The following PFKFB3 variants were observed in gnomAD, a reference collection of about 807,000 sequenced individuals.
PFKFB3 encodes the protein 6-phosphofructo-2-kinase/fructose-2,6-biphosphatase 3.
A neutral mutation model predicts 68.0 loss-of-function variants in PFKFB3; 33 were observed. The ratio of observed to expected loss-of-function variants is 0.49; its 90% CI spans 0.37 to 0.65. The LOEUF is 0.65. PFKFB3 is among the 30% of genes least tolerant of loss of function. The pLI is 0.00. For synonymous variants in PFKFB3, 315 were observed against 288.2 expected, an observed-to-expected ratio of 1.09 and a Z score of -0.94; for missense variants, 586 against 712.2, an observed-to-expected ratio of 0.82 and a Z score of 2.02.
the PFKFB3 span, among the ~76,000 whole-genome samples, chr10:6,304,467 G>A: frequency 6.0e-5 from 9 of 149,518 alleles, no homozygotes; most frequent in East Asian, 1.6e-3. Flanking sequence ...TACTACTACC[G>A]TTAGACATTA....
intron 1 of PFKFB3, chr10:6,163,783 C>T (rs1303838830): frequency 1.3e-5 from 2 of 151,778 alleles, no homozygotes; most frequent in East Asian, 3.9e-4. Context: ...CCCGCCCTTC[C>T]CGGGCCGTGC....
intron 1 of PFKFB3, among the ~76,000 whole-genome samples, chr10:6,180,729 G>T (rs545971532): frequency 6.6e-6 from 1 of 152,284 alleles, no homozygotes; most frequent in East Asian, 1.9e-4. Flanking sequence ...CTTCCAAAGT[G>T]CTGAGATTAC....
intron 11 of PFKFB3, 57 bp downstream of exon 11, chr10:6,223,041 G>T: frequency 4.5e-6 from 7 of 1,551,442 alleles, no homozygotes; most frequent in South Asian, 3.5e-5. Flanking sequence ...GGCACTCGGC[G>T]GGGGGTCAGC....
chr10:6,148,146 C>A (rs1477647729), intron 1 of PFKFB3, among the ~76,000 whole-genome samples: 2 of 152,346 alleles, frequency 1.3e-5, no homozygotes, highest in Admixed American at 1.3e-4. Flanking sequence ...ACCTCCTGTG[C>A]TCTCCAGCAA....
chr10:6,185,500 C>A (rs1842844341), intron 1 of PFKFB3, among the ~76,000 whole-genome samples: 1 of 152,192 alleles, frequency 6.6e-6, no homozygotes, highest in Non-Finnish European at 1.5e-5. Flanking sequence ...GCCAGGGTCT[C>A]CCATCGGCTC....
chr10:6,184,121 C>T (rs1479835638), intron 1 of PFKFB3, among the ~76,000 whole-genome samples: 5 of 152,120 alleles, frequency 3.3e-5, no homozygotes, highest in African/African-American at 1.2e-4. Context: ...GGTGCCATCT[C>T]GGCTCACTGC....
At chr10:6,172,117 G>A (rs999544541) in intron 1 of PFKFB3, among the ~76,000 whole-genome samples, 11 of 152,250 alleles carry the variant, frequency 7.2e-5, no homozygotes, top group Non-Finnish European at 8.8e-5. Flanking sequence ...TGGGGACTGC[G>A]AGAAAGCCCC....
rs1261860767 is a variant in PFKFB3 at position 6,203,254 on chromosome 10, C to T, written c.-7C>T. On this transcript the variant is annotated 5_prime_UTR_variant, in exon 1 of 15. Coordinates refer to ENST00000379775, the MANE Select transcript of PFKFB3 (RefSeq NM_004566.4). ...CGGGAGGCGGGCCGTCGGGCGCAGCCGCGAAGATGCCGTTGGAACTGACGC... is the reference window on the plus strand; with the variant it reads ...CGGGAGGCGGGCCGTCGGGCGCAGCTGCGAAGATGCCGTTGGAACTGACGC... The T allele has an allele frequency of 1.9e-6, 3 of 1,607,996 alleles. No homozygotes were observed. Among genetic ancestry groups the T allele is most frequent in the African/African-American group, 1.3e-5 (1 of 74,328 alleles).
chr10:6,311,498 CA>C, the PFKFB3 span, among the ~76,000 whole-genome samples: 5,283 of 152,152 alleles, frequency 0.035, 139 homozygotes, highest in Middle Eastern at 0.15. Flanking sequence ...TCTCTGGGCC[CA>C]GCACTCTGGG....
chr10:6,180,604 A>G (rs1481235044), intron 1 of PFKFB3, among the ~76,000 whole-genome samples: 2 of 151,688 alleles, frequency 1.3e-5, no homozygotes, highest in African/African-American at 4.8e-5. Flanking sequence ...AGCTGAAACT[A>G]CAGGTGTGCT....
chr10:6,298,918 A>G, the PFKFB3 span, among the ~76,000 whole-genome samples: 7 of 152,080 alleles, frequency 4.6e-5, no homozygotes, highest in Admixed American at 3.9e-4. Flanking sequence ...TATTTTCTCC[A>G]CCTGATTCTA....
At chr10:6,266,572 C>T in the PFKFB3 span, among the ~76,000 whole-genome samples, 14 of 152,062 alleles carry the variant, frequency 9.2e-5, no homozygotes, top group Non-Finnish European at 1.6e-4. Flanking sequence ...TTCACATATG[C>T]GTAAATAAAA....
At chr10:6,211,072 CT>C (rs1165433881) in intron 1 of PFKFB3, among the ~76,000 whole-genome samples, 4 of 152,202 alleles carry the variant, frequency 2.6e-5, no homozygotes, top group African/African-American at 9.7e-5. Context: ...TATAGCGCCC[CT>C]CTCTTTGAAT....
chr10:6,283,704 G>A, the PFKFB3 span, among the ~76,000 whole-genome samples: 28 of 152,198 alleles, frequency 1.8e-4, no homozygotes, highest in Non-Finnish European at 2.6e-4. Flanking sequence ...TTCAGTTGCT[G>A]TGGACCCCCA....
chr10:6,160,561 C>CA (rs1355713431), intron 1 of PFKFB3, among the ~76,000 whole-genome samples: 1 of 151,602 alleles, frequency 6.6e-6, no homozygotes, highest in African/African-American at 2.4e-5. Flanking sequence ...ACTAAAAATA[C>CA]AAAAAAATTA....
intron 6 of PFKFB3, 137 bp from the exon 7 acceptor site, chr10:6,219,432 T>G: frequency 1.1e-6 from 1 of 879,388 alleles, no homozygotes; most frequent in Non-Finnish European, 1.8e-6. Context: ...CTTTCTCCCT[T>G]TCTCTTACAC....
upstream of PFKFB3, among the ~76,000 whole-genome samples, chr10:6,199,055 C>T (rs1302890065): frequency 6.6e-6 from 1 of 152,202 alleles, no homozygotes; most frequent in East Asian, 1.9e-4. Context: ...TAAGAGCCCC[C>T]TCCCCGTGTC....
At position 6,215,173 on chromosome 10, in the gene PFKFB3, C is replaced by G; in HGVS notation, c.203-48C>G. The G allele has an allele frequency of 6.6e-7, 1 of 1,507,288 alleles. No homozygotes were observed. The highest frequency in any genetic ancestry group is 9.2e-7 in the Non-Finnish European group (1 of 1,083,872). The allele number at this position is 1,507,288 out of a possible 1,614,324, so 93.4% of individuals were successfully genotyped here. ...TCCTATGGTCCCGGTGTGAGCTGGC[C>G]CCTTCCTCCTGCTCGATCATCCAGA... is the stretch of plus-strand genomic sequence containing the variant. On this transcript the variant is annotated intron_variant, in intron 2 of 14. Transcript: ENST00000379775. This position sits in a 1 kb window ranked among gnomAD's most constrained non-coding sequence, Gnocchi z 4.3.
chr10:6,258,116 G>A (rs1321015027), downstream of PFKFB3, among the ~76,000 whole-genome samples: 3 of 152,144 alleles, frequency 2.0e-5, no homozygotes, highest in East Asian at 1.9e-4. Flanking sequence ...GTACATCGAC[G>A]GGAATTTCTT....
Sources: allele counts gnomAD v4.1 joint callset (sites outside exome capture counted in the v4.1 genomes callset), GRCh38; gene constraint gnomAD v4.1.1; non-coding constraint Gnocchi (gnomAD v3.1); transcripts MANE v1.5; gene names NCBI Gene and HGNC (gene_info 2026-07-23, HGNC 2026-07-21).